RIPPLY2: variants seen among roughly 807,000 people sequenced by gnomAD.
RIPPLY2 encodes protein ripply2.
In RIPPLY2, 20 loss-of-function variants were observed where a neutral mutation model predicts 17.7. The ratio of observed to expected loss-of-function variants is 1.13; its 90% CI spans 0.79 to 1.64. The LOEUF (loss-of-function observed/expected upper bound fraction) is 1.64, where lower values mean the gene tolerates loss of function less well. Ranked by LOEUF, RIPPLY2 falls within the 40% of genes most tolerant of loss-of-function variation. RIPPLY2 has a pLI of 0.00. For missense variants in RIPPLY2, 213 were observed against 169.8 expected, an observed-to-expected ratio of 1.25 and a Z score of -1.41; for synonymous variants, 69 against 63.9, an observed-to-expected ratio of 1.08 and a Z score of -0.38.
At chr6:83,853,874 G>T in intron 2 of RIPPLY2, 101 bp downstream of exon 2, 1 of 1,141,234 alleles carries the variant, frequency 8.8e-7, no homozygotes. Flanking sequence ...GAGACACCGG[G>T]TCCTGCCTCT....
chr6:83,854,266 C>T (rs2099454654), intron 3 of RIPPLY2, 105 bp downstream of exon 3: 1 of 901,780 alleles, frequency 1.1e-6, no homozygotes. Flanking sequence ...GTCTCTCTCT[C>T]TCTCTCTGAA....
chr6:83,853,827 C>T, intron 2 of RIPPLY2, 54 bp downstream of exon 2: 2 of 1,502,420 alleles, frequency 1.3e-6, no homozygotes, highest in Non-Finnish European at 1.8e-6. Context: ...GAAGATCGAC[C>T]AGGGCTCTCG....
chr6:83,853,857 G>A (rs984196378), intron 2 of RIPPLY2, 84 bp downstream of exon 2: 2 of 1,234,574 alleles, frequency 1.6e-6, no homozygotes, highest in African/African-American at 3.0e-5. Flanking sequence ...GCCTGAGAGA[G>A]ACATGCGAGA....
chr6:83,853,294 C>T (rs955705304), upstream of RIPPLY2: 3 of 706,764 alleles, frequency 4.2e-6, no homozygotes, highest in African/African-American at 3.8e-5. Context: ...GGCGGAGAGG[C>T]AGCGAACCTC....
At chr6:83,853,946 A>G in intron 2 of RIPPLY2, 151 bp from the exon 3 acceptor site, 9 of 997,754 alleles carry the variant, frequency 9.0e-6, no homozygotes, top group Non-Finnish European at 1.2e-5. Flanking sequence ...TGTCCTCTGG[A>G]GCGATGGGCC....
intron 2 of RIPPLY2, 111 bp from the exon 3 acceptor site, chr6:83,853,986 G>C (rs1221605244): frequency 8.6e-7 from 1 of 1,165,782 alleles, no homozygotes; most frequent in African/African-American, 1.5e-5. Context: ...CGAGGCTGCT[G>C]AGAGCCCTGG....
At chr6:83,853,303 T>C, upstream of RIPPLY2, 1 of 789,342 alleles carries the variant, frequency 1.3e-6, no homozygotes, top group Non-Finnish European at 1.9e-6. Flanking sequence ...GCAGCGAACC[T>C]CTCAATGTGC....
At chr6:83,854,242 C>T in intron 3 of RIPPLY2, 81 bp downstream of exon 3, 1 of 1,105,178 alleles carries the variant, frequency 9.0e-7, no homozygotes, top group Non-Finnish European at 1.4e-6. Context: ...CCCAGCTCCG[C>T]AGCTGGTCCT....
intron 2 of RIPPLY2, 99 bp downstream of exon 2, chr6:83,853,872 G>C: frequency 8.7e-7 from 1 of 1,150,196 alleles, no homozygotes; most frequent in South Asian, 1.4e-5. Flanking sequence ...GCGAGACACC[G>C]GGTCCTGCCT....
Position 83,857,370 on chromosome 6 carries a change from A to G in RIPPLY2, c.368A>G (p.Asp123Gly), listed in dbSNP as rs1215663764. ...EDSDSEDEIE[D>G]LTCEN Reference sequence around the variant, plus strand: ...TCTGATAGCGAAGATGAAATTGAGGATCTGACCTGTGAAAATTAATCTGAT... The same window carrying G: ...TCTGATAGCGAAGATGAAATTGAGGGTCTGACCTGTGAAAATTAATCTGAT... The change falls in exon 4 of 4, where the codon GAT becomes GGT. Residue 123 changes from aspartate to glycine, a missense_variant. Transcript: ENST00000369689. 5.1e-6 allele frequency: 8 copies of G among 1,577,986 alleles called. No homozygotes were observed. Among genetic ancestry groups the G allele is most frequent in the African/African-American group, 1.4e-5 (1 of 72,726 alleles).
intron 2 of RIPPLY2, 157 bp downstream of exon 2, chr6:83,853,930 C>T: frequency 1.0e-6 from 1 of 970,670 alleles, no homozygotes; most frequent in South Asian, 1.5e-5. Flanking sequence ...GCCGACGCGG[C>T]GGATGTGTCC....
In RIPPLY2 at chr6:83,853,374, G is replaced by T; in HGVS notation, c.-43G>T. ...GGACCTACTGGAACTGGTCAAGATT[G>T]CCCGCGAGCTGGCAGCGGCCTTCCG... On this transcript the variant is annotated 5_prime_UTR_variant, in exon 1 of 4. Coordinates refer to ENST00000369689, the MANE Select transcript of RIPPLY2 (RefSeq NM_001009994.3). 6.6e-7 allele frequency: 1 copy of T among 1,505,476 alleles called. No homozygotes were observed. Among genetic ancestry groups the T allele is most frequent in the African/African-American group, 1.4e-5 (1 of 71,830 alleles). 93.3% of individuals were successfully genotyped at this position (1,505,476 alleles called of 1,614,324 possible).
At chr6:83,854,187 C>T (rs749384613) in intron 3 of RIPPLY2, 26 bp downstream of exon 3, 1 of 1,595,158 alleles carries the variant, frequency 6.3e-7, no homozygotes, top group Admixed American at 1.7e-5. Context: ...CGCCGAAGGT[C>T]TCCCGCTCCT....
At chr6:83,853,316 C>G (rs2099454465), upstream of RIPPLY2, 3 of 901,676 alleles carry the variant, frequency 3.3e-6, no homozygotes, top group Non-Finnish European at 3.3e-6. Context: ...CAATGTGCAG[C>G]AGGCCGCGAG....
chr6:83,856,151 G>T (rs2099454949), intron 3 of RIPPLY2: 3 of 152,060 alleles, frequency 2.0e-5, no homozygotes, highest in Admixed American at 2.0e-4. Flanking sequence ...AACTTTTTGA[G>T]GGTAGGGACC....
intron 3 of RIPPLY2, chr6:83,855,994 AC>A (rs1426671958): frequency 6.6e-6 from 1 of 152,218 alleles, no homozygotes; most frequent in East Asian, 1.9e-4. Context: ...AGTTCCAGTT[AC>A]GCATTAGGAA....
At position 83,857,116 on chromosome 6, in the gene RIPPLY2, A is replaced by G. The variant is rs186336565; in HGVS notation, c.240-126A>G. ...TGATAGTAGCATATTTTAACTCTGTATCTTAAGGCTATATCCAAATGTATA... is the reference window on the plus strand; with the variant it reads ...TGATAGTAGCATATTTTAACTCTGTGTCTTAAGGCTATATCCAAATGTATA... On this transcript the variant is annotated intron_variant, in intron 3 of 3. Coordinates refer to ENST00000369689, the MANE Select transcript of RIPPLY2 (RefSeq NM_001009994.3). 5.2e-4 allele frequency: 280 copies of G among 534,374 alleles called. No homozygotes were observed. In the Middle Eastern group the frequency reaches 0.011, roughly 20 times the overall value. The allele number at this position is 534,374 out of a possible 1,614,324, so 33.1% of individuals were successfully genotyped here.
rs763323503 is a variant in RIPPLY2, at chr6:83,854,103, G to A, written c.181G>A (p.Asp61Asn). ...CACTTCCTTTCCTCTCCAGATGCCC[G>A]ATGGCCCTGGAATGACCGCAGCCTC... ...TPNHAAEAMP[D>N]GPGMTAASGK... The change falls in exon 3 of 4, where the codon GAT becomes AAT. Residue 61 changes from aspartate (D) to asparagine (N), a missense_variant. By Grantham distance (23) the Asp-to-Asn change is conservative. Coordinates refer to ENST00000369689, the MANE Select transcript of RIPPLY2 (RefSeq NM_001009994.3). 5.1e-5 allele frequency: 83 copies of A among 1,613,798 alleles called. 1 individual carries two copies. In the South Asian group the frequency reaches 8.9e-4, roughly 17 times the overall value.
At chr6:83,853,576 A>G in intron 1 of RIPPLY2, 65 bp downstream of exon 1, 1 of 1,531,696 alleles carries the variant, frequency 6.5e-7, no homozygotes, top group East Asian at 2.4e-5. Context: ...GCGCCTCCCC[A>G]GCTCCTCCCC....
Sources: gnomAD v4.1 joint callset for allele counts on GRCh38, gnomAD v4.1.1 for gene constraint, MANE v1.5 for transcripts, NCBI Gene and HGNC (gene_info 2026-07-23, HGNC 2026-07-21) for gene names.